Variants in MAN1C1 observed in about 807,000 individuals in gnomAD.
The protein encoded by MAN1C1 is mannosyl-oligosaccharide 1,2-alpha-mannosidase IC.
In MAN1C1, 49 loss-of-function variants were observed where a neutral mutation model predicts 71.5. That is an observed-to-expected ratio of 0.69 (90% CI 0.54 to 0.87). The LOEUF is 0.87. MAN1C1 is among the 40% of genes least tolerant of loss of function. The pLI, the probability that MAN1C1 is intolerant of heterozygous loss-of-function variation, is 0.00. For missense variants in MAN1C1, 743 were observed against 835.0 expected (o/e 0.89, Z 1.36); for synonymous variants, 352 against 343.7 (o/e 1.02, Z -0.27).
rs1442573035 is a variant in MAN1C1 at position 25,730,267 on chromosome 1, G to A, written c.638-16401G>A. Among the ~76,000 whole-genome samples, 1 of 152,168 alleles carries A rather than the reference G, an allele frequency of 6.6e-6. No homozygotes were observed. The highest frequency in any genetic ancestry group is 6.5e-5 in the Admixed American group (1 of 15,290). On this transcript the variant is annotated intron_variant, in intron 2 of 11. Transcript: ENST00000374332. This position sits in a 1 kb window ranked among gnomAD's most constrained non-coding sequence, Gnocchi z 4.3. ...AGTTACCCTGAAACCGTTTTAAAATGATCTCAGAGGCAGAGACTGGCCTTC... is the reference window on the plus strand; with the variant it reads ...AGTTACCCTGAAACCGTTTTAAAATAATCTCAGAGGCAGAGACTGGCCTTC...
chr1:25,629,108 C>G (rs1405717048), intron 1 of MAN1C1, among the ~76,000 whole-genome samples: 1 of 152,098 alleles, frequency 6.6e-6, no homozygotes, highest in African/African-American at 2.4e-5. Context: ...TGAGTAGATA[C>G]CCAGTAGTGG....
chr1:25,751,990 C>T (rs1409868368), intron 4 of MAN1C1, among the ~76,000 whole-genome samples: 2 of 152,092 alleles, frequency 1.3e-5, no homozygotes, highest in Non-Finnish European at 2.9e-5. Flanking sequence ...AAATTTCCCA[C>T]AAAGGTTTGT....
At chr1:25,682,338 C>T (rs980545223) in intron 1 of MAN1C1, among the ~76,000 whole-genome samples, 4 of 152,156 alleles carry the variant, frequency 2.6e-5, no homozygotes, top group African/African-American at 7.2e-5. Context: ...ATCCTTACAG[C>T]ATGGAATGAT....
chr1:25,779,386 G>A lies in MAN1C1; in HGVS notation c.1477+1062G>A, dbSNP rs145568795. Reference sequence around the variant, plus strand: ...GCAGCACTGCAGGCACTTGCTGACCGCCCATCATGATGTGTCTGTGCCCGC... The same window carrying A: ...GCAGCACTGCAGGCACTTGCTGACCACCCATCATGATGTGTCTGTGCCCGC... On this transcript the variant is annotated intron_variant, in intron 9 of 11. Transcript: ENST00000374332. This position sits in a 1 kb window ranked among gnomAD's most constrained non-coding sequence, Gnocchi z 4.6. Among the ~76,000 whole-genome samples the A allele has an allele frequency of 3.1e-3, 467 of 152,264 alleles. 1 individual carries two copies. The highest frequency in any genetic ancestry group is 0.011 in the African/African-American group (447 of 41,552).
intron 1 of MAN1C1, among the ~76,000 whole-genome samples, chr1:25,622,905 CCAGGGA>C (rs1192883933): frequency 6.6e-6 from 1 of 152,164 alleles, no homozygotes; most frequent in Non-Finnish European, 1.5e-5. Flanking sequence ...GTCACTAGTG[CCAGGGA>C]CAGGTAGGAA....
chr1:25,723,906 A>G (rs2046799236), intron 2 of MAN1C1, among the ~76,000 whole-genome samples: 2 of 152,162 alleles, frequency 1.3e-5, no homozygotes, highest in East Asian at 1.9e-4. Flanking sequence ...GGGCTGCGGG[A>G]TACTGTATCA....
intron 1 of MAN1C1, among the ~76,000 whole-genome samples, chr1:25,669,301 GCA>G: frequency 6.6e-6 from 1 of 152,284 alleles, no homozygotes; most frequent in South Asian, 2.1e-4. Context: ...CAGTTCTTGG[GCA>G]CACAGTTAGC....
rs963304382 is a variant in MAN1C1, at chr1:25,767,898, A to T, written c.1142-3759A>T. 6.0e-5 allele frequency among the ~76,000 whole-genome samples: 5 copies of T among 83,746 alleles called. No individual in the cohort carries two copies. The South Asian group carries it at 1.3e-3, about 21-fold the overall frequency. The allele number at this position is 83,746 out of a possible 152,430, so 54.9% of individuals were successfully genotyped here. Reference sequence around the variant, plus strand: ...CCTCACATACATTCACACTCCCCTCATACACACACATTACACACTCCCCCA... The same window carrying T: ...CCTCACATACATTCACACTCCCCTCTTACACACACATTACACACTCCCCCA... On this transcript the variant is annotated intron_variant, in intron 7 of 11. Coordinates refer to ENST00000374332, the MANE Select transcript of MAN1C1 (RefSeq NM_020379.4).
intron 1 of MAN1C1, among the ~76,000 whole-genome samples, chr1:25,632,577 G>T (rs1056018122): frequency 6.6e-6 from 1 of 151,970 alleles, no homozygotes; most frequent in Non-Finnish European, 1.5e-5. Flanking sequence ...AGTTCCTTGA[G>T]GTGTAACATT....
intron 2 of MAN1C1, among the ~76,000 whole-genome samples, chr1:25,701,055 A>G (rs1014237564): frequency 1.3e-5 from 2 of 152,276 alleles, no homozygotes; most frequent in African/African-American, 4.8e-5. Flanking sequence ...CATGATAATG[A>G]AGCCAGCCTG....
chr1:25,685,513 G>A (rs889185238), intron 1 of MAN1C1, among the ~76,000 whole-genome samples: 4 of 152,236 alleles, frequency 2.6e-5, no homozygotes, highest in African/African-American at 7.2e-5. Context: ...GGGCTGCAGC[G>A]CAGGGTTGGG....
intron 2 of MAN1C1, among the ~76,000 whole-genome samples, chr1:25,721,411 A>T (rs866205751): frequency 1.3e-5 from 2 of 152,246 alleles, no homozygotes; most frequent in African/African-American, 4.8e-5. Context: ...TTTCCGGTTC[A>T]TGAATATGAA....
intron 2 of MAN1C1, among the ~76,000 whole-genome samples, chr1:25,690,772 A>G (rs1046855677): frequency 6.6e-6 from 1 of 152,212 alleles, no homozygotes; most frequent in Non-Finnish European, 1.5e-5. Flanking sequence ...AGGATTAGAG[A>G]GGAGACCTGC....
At chr1:25,749,563 C>T (rs1042027069) in intron 4 of MAN1C1, among the ~76,000 whole-genome samples, 9 of 152,322 alleles carry the variant, frequency 5.9e-5, no homozygotes, top group Non-Finnish European at 8.8e-5. Context: ...CCACCCCAGA[C>T]GGCCCCCCAG....
chr1:25,643,664 C>T (rs2045570376), intron 1 of MAN1C1, among the ~76,000 whole-genome samples: 1 of 149,708 alleles, frequency 6.7e-6, no homozygotes, highest in Non-Finnish European at 1.5e-5. Context: ...GCCACCCCAC[C>T]CAGCTAATTT....
intron 2 of MAN1C1, among the ~76,000 whole-genome samples, chr1:25,717,575 C>CTTTT (rs1023005252): frequency 7.4e-6 from 1 of 135,580 alleles, no homozygotes; most frequent in Non-Finnish European, 1.6e-5. Context: ...TACCATTTTC[C>CTTTT]TTTTTTTTTT....
At chr1:25,731,008 C>T (rs1029572707) in intron 2 of MAN1C1, among the ~76,000 whole-genome samples, 7 of 152,294 alleles carry the variant, frequency 4.6e-5, no homozygotes, top group African/African-American at 1.4e-4. Flanking sequence ...CCCCCACAAT[C>T]GCTGCTGCTT....
At chr1:25,628,347 G>T (rs1318700676) in intron 1 of MAN1C1, among the ~76,000 whole-genome samples, 2 of 151,574 alleles carry the variant, frequency 1.3e-5, no homozygotes, top group Admixed American at 1.3e-4. Context: ...CGCTCTTGTT[G>T]CCCAGGCTGG....
chr1:25,636,778 CT>C (rs1465254476), intron 1 of MAN1C1, among the ~76,000 whole-genome samples: 1 of 152,202 alleles, frequency 6.6e-6, no homozygotes, highest in East Asian at 1.9e-4. Flanking sequence ...TATTTGGGAA[CT>C]GATAAATGTC....
Sources: allele counts gnomAD v4.1 joint callset (sites outside exome capture counted in the v4.1 genomes callset), GRCh38; gene constraint gnomAD v4.1.1; non-coding constraint Gnocchi (gnomAD v3.1); transcripts MANE v1.5; gene names NCBI Gene and HGNC (gene_info 2026-07-23, HGNC 2026-07-21).